Variants in CACNA1H observed in about 807,000 individuals in gnomAD.
The protein encoded by CACNA1H is voltage-dependent T-type calcium channel subunit alpha-1H.
In CACNA1H, 149 loss-of-function variants were observed where a neutral mutation model predicts 192.5. The observed-to-expected ratio is 0.77, with a 90% confidence interval of 0.68 to 0.89. The LOEUF is 0.89. CACNA1H is among the 40% of genes least tolerant of loss of function. CACNA1H has a pLI of 0.00. For missense variants in CACNA1H, 4,257 were observed against 3,423.5 expected, an observed-to-expected ratio of 1.24 and a Z score of -6.08; for synonymous variants, 2,202 against 1,475.2, an observed-to-expected ratio of 1.49 and a Z score of -11.29.
intron 2 of CACNA1H, among the ~76,000 whole-genome samples, chr16:1,184,896 A>G (rs751254098): frequency 1.3e-5 from 2 of 151,054 alleles, no homozygotes; most frequent in African/African-American, 4.9e-5. Context: ...GGGATTAGCC[A>G]TTTTTTTTTT....
intron 17 of CACNA1H, among the ~76,000 whole-genome samples, chr16:1,209,767 G>A (rs1398998980): frequency 1.3e-5 from 2 of 152,292 alleles, no homozygotes; most frequent in African/African-American, 4.8e-5. Flanking sequence ...ACCACTCCCA[G>A]AGTCAGGGAC....
intron 2 of CACNA1H, among the ~76,000 whole-genome samples, chr16:1,166,523 C>T (rs987180101): frequency 1.2e-4 from 18 of 152,208 alleles, no homozygotes; most frequent in Non-Finnish European, 2.9e-5. Context: ...CCAATTCGGT[C>T]GTTCTCCCTG....
chr16:1,174,997 G>A (rs1442524353), intron 2 of CACNA1H, among the ~76,000 whole-genome samples: 2 of 151,232 alleles, frequency 1.3e-5, no homozygotes, highest in African/African-American at 4.9e-5. Context: ...GCTCCGTGGT[G>A]GGTCTCAGGG....
Position 1,210,817 on chromosome 16 carries a change from C to G in CACNA1H, c.4069C>G (p.His1357Asp), listed in dbSNP as rs770234235. Residue 1357 changes from histidine (H) to aspartate (D), a missense_variant, in exon 21 of 35, where the codon CAC (histidine) becomes GAC (aspartate). Physicochemically the swap from His to Asp is moderately conservative, Grantham distance 81 (BLOSUM62 -1). Transcript: ENST00000348261. ...VVALGLLSGE[H>D]AYLQSSWNLL... ...GGCCCTGGGGCTGCTGTCCGGCGAG[C>G]ACGCCTACCTGCAGAGCAGCTGGAA... 2 of 1,602,970 alleles carry G rather than the reference C, an allele frequency of 1.2e-6. No homozygotes were observed. Among genetic ancestry groups the G allele is most frequent in the South Asian group, 2.2e-5 (2 of 91,082 alleles).
intron 2 of CACNA1H, among the ~76,000 whole-genome samples, chr16:1,179,223 G>A (rs917909754): frequency 1.3e-5 from 2 of 152,072 alleles, no homozygotes; most frequent in African/African-American, 4.8e-5. Flanking sequence ...CGGGACTGGT[G>A]GAAGGGGTGT....
chr16:1,210,900 C>T lies in CACNA1H; in HGVS notation c.4152C>T (p.Ala1384=), dbSNP rs926256295. 2 of 1,604,444 alleles carry T rather than the reference C, an allele frequency of 1.2e-6. No homozygotes were observed. The highest frequency in any genetic ancestry group is 1.7e-6 in the Non-Finnish European group (2 of 1,179,726). The stretch of plus-strand genomic sequence containing the variant: ...TGGTGGACATTGTCGTGGCCATGGC[C>T]TCGGCTGGTGGCGCCAAGATCCTGG... ...VSLVDIVVAM[A]SAGGAKILGV... The change falls in exon 21 of 35, where the codon GCC becomes GCT. Residue 1384 remains alanine (A), a synonymous_variant. Coordinates refer to ENST00000348261, the MANE Select transcript of CACNA1H (RefSeq NM_021098.3).
chr16:1,181,942 A>ACGCCCCCTCGCACACG (rs1965516422), intron 2 of CACNA1H, among the ~76,000 whole-genome samples: 2 of 151,730 alleles, frequency 1.3e-5, no homozygotes, highest in African/African-American at 4.8e-5. Flanking sequence ...CTTTGCACAC[A>ACGCCCCCTCGCACACG]CGCCCCCTCG....
At chr16:1,159,481 G>C (rs550493526) in intron 2 of CACNA1H, 2 of 152,672 alleles carry the variant, frequency 1.3e-5, no homozygotes, top group Non-Finnish European at 2.9e-5. Flanking sequence ...GGCGCGTGGC[G>C]GTGGCACACC....
At position 1,210,887 on chromosome 16, in the gene CACNA1H, T is replaced by TCGTGGC; in HGVS notation, c.4141_4146dup (p.Val1381_Ala1382dup). On this transcript the variant is annotated inframe_insertion, in exon 21 of 35. Transcript: ENST00000348261. ...GTGCTGGTGTCCCTGGTGGACATTG[T>TCGTGGC]CGTGGCCATGGCCTCGGCTGGTGGC... The TCGTGGC allele has an allele frequency of 6.2e-7, 1 of 1,605,308 alleles. No individual in the cohort carries two copies. Among genetic ancestry groups the TCGTGGC allele is most frequent in the Non-Finnish European group, 8.5e-7 (1 of 1,179,710 alleles).
chr16:1,212,557 C>T (rs765603086), intron 26 of CACNA1H, 29 bp downstream of exon 26: 7 of 1,605,410 alleles, frequency 4.4e-6, no homozygotes, highest in South Asian at 1.1e-5. Context: ...ATGCCTCAGG[C>T]CCCGCTTCTG....
At chr16:1,210,708 C>T (rs1969336260) in intron 20 of CACNA1H, 57 bp downstream of exon 20, 1 of 1,577,546 alleles carries the variant, frequency 6.3e-7, no homozygotes, top group Non-Finnish European at 8.6e-7. Flanking sequence ...GCCCTCATCC[C>T]CACCCCCACC....
At chr16:1,164,061 G>A (rs1391279870) in intron 2 of CACNA1H, among the ~76,000 whole-genome samples, 3 of 152,222 alleles carry the variant, frequency 2.0e-5, no homozygotes, top group African/African-American at 4.8e-5. Context: ...CCTGGCCGCC[G>A]GCCGGGTATG....
In CACNA1H at chr16:1,218,617, G is replaced by A. The variant is rs1596476517; in HGVS notation, c.5853G>A (p.Val1951=). The A allele has an allele frequency of 1.9e-6, 3 of 1,562,034 alleles. No homozygotes were observed. The highest frequency in any genetic ancestry group is 1.2e-5 in the South Asian group (1 of 84,738). The part of the protein sequence containing the change: ...SAPHPRPLQE[V]EMETYGAGTP... The stretch of plus-strand genomic sequence containing the variant: ...CCCACCCCCGCCCGCTGCAGGAGGT[G>A]GAGATGGAGACCTATGGGGCCGGCA... Residue 1951 remains valine, a synonymous_variant, in exon 33 of 35, where the codon GTG becomes GTA. Coordinates refer to ENST00000348261, the MANE Select transcript of CACNA1H (RefSeq NM_021098.3).
intron 26 of CACNA1H, 118 bp downstream of exon 26, chr16:1,212,646 C>G (rs1349771087): frequency 4.5e-5 from 57 of 1,280,544 alleles, no homozygotes; most frequent in Non-Finnish European, 8.7e-6. Flanking sequence ...GCCGGAGGTG[C>G]TGGGCGTGTG....
At chr16:1,172,690 C>T (rs1964488575) in intron 2 of CACNA1H, among the ~76,000 whole-genome samples, 1 of 152,178 alleles carries the variant, frequency 6.6e-6, no homozygotes, top group South Asian at 2.1e-4. Context: ...GGCAGAGCCA[C>T]CCGCATGGGT....
Position 1,202,097 on chromosome 16 carries a change from G to A in CACNA1H, c.1647G>A (p.Arg549=). The part of the protein sequence containing the change: ...PGPEPGACDT[R]LVRAGAPPSP... ...CCGAGCCAGGCGCCTGCGACACCAG[G>A]CTGGTCCGAGCTGGCGCGCCCCCCT... Residue 549 remains arginine (R), a synonymous_variant, in exon 9 of 35, where the codon AGG becomes AGA. Transcript: ENST00000348261. 6.5e-7 allele frequency: 1 copy of A among 1,544,506 alleles called. No homozygotes were observed.
intron 9 of CACNA1H, 83 bp downstream of exon 9, chr16:1,202,535 C>G (rs529073147): frequency 1.0e-5 from 12 of 1,199,202 alleles, no homozygotes; most frequent in South Asian, 1.6e-5. Flanking sequence ...ATTCCCACAC[C>G]CATTGTGGGC....
At chr16:1,154,371 G>A (rs1282736233) in intron 2 of CACNA1H, among the ~76,000 whole-genome samples, 7 of 152,142 alleles carry the variant, frequency 4.6e-5, no homozygotes, top group Non-Finnish European at 7.4e-5. Context: ...GGCCCCAAGG[G>A]TGTTGGCCAG....
chr16:1,209,737 C>T (rs571145087), intron 17 of CACNA1H, among the ~76,000 whole-genome samples: 15 of 152,314 alleles, frequency 9.8e-5, no homozygotes, highest in African/African-American at 3.4e-4. Context: ...GCTAGGCTCT[C>T]AGGCTTCCGT....
Sources: allele counts gnomAD v4.1 joint callset (sites outside exome capture counted in the v4.1 genomes callset), GRCh38; gene constraint gnomAD v4.1.1; transcripts MANE v1.5; gene names NCBI Gene and HGNC (gene_info 2026-07-23, HGNC 2026-07-21).